BLTP1: variants seen among roughly 807,000 people sequenced by gnomAD.
BLTP1 encodes the protein bridge-like lipid transfer protein family member 1.
the BLTP1 span, chr4:122,300,908 A>T: frequency 9.7e-5 from 95 of 978,838 alleles, no homozygotes; most frequent in Middle Eastern, 2.1e-3. Context: ...TGTATGCCAC[A>T]TTGCCCAGGC....
the BLTP1 span, among the ~76,000 whole-genome samples, chr4:122,280,474 A>G: frequency 2.6e-5 from 4 of 152,034 alleles, no homozygotes; most frequent in Non-Finnish European, 5.9e-5. Context: ...ATACATCTTC[A>G]CTGCTGAGCC....
chr4:122,309,558 A>G, the BLTP1 span: 1 of 1,251,704 alleles, frequency 8.0e-7, no homozygotes, highest in Non-Finnish European at 1.1e-6. Flanking sequence ...AGATATAGCA[A>G]ATGTTTTTAG....
chr4:122,250,703 G>C, the BLTP1 span: 1 of 918,378 alleles, frequency 1.1e-6, no homozygotes, highest in Non-Finnish European at 1.6e-6. Context: ...TATGATATCT[G>C]CTTAAATGTT....
chr4:122,252,636 G>A, the BLTP1 span, among the ~76,000 whole-genome samples: 16 of 152,182 alleles, frequency 1.1e-4, no homozygotes, highest in African/African-American at 3.6e-4. Flanking sequence ...AGCCATGGTA[G>A]AATAAAACAC....
chr4:122,326,215 A>G, the BLTP1 span, among the ~76,000 whole-genome samples: 8 of 151,798 alleles, frequency 5.3e-5, no homozygotes, highest in Non-Finnish European at 1.5e-5. Flanking sequence ...TTTTCCTTAT[A>G]TTCAACTACA....
the BLTP1 span, among the ~76,000 whole-genome samples, chr4:122,159,249 G>T: frequency 3.3e-5 from 5 of 152,092 alleles, no homozygotes; most frequent in Admixed American, 2.6e-4. Context: ...GGATCATGAG[G>T]TCAGGAGATC....
the BLTP1 span, chr4:122,231,826 C>T: frequency 9.3e-6 from 9 of 970,648 alleles, no homozygotes; most frequent in Admixed American, 3.7e-4. Flanking sequence ...CCCAAAAGAA[C>T]CTGGGGTCCA....
At chr4:122,336,741 G>A in the BLTP1 span, 81 of 1,275,030 alleles carry the variant, frequency 6.4e-5, no homozygotes, top group Non-Finnish European at 7.5e-5. Context: ...AGGGAAAAAC[G>A]TATAGAATGA....
chr4:122,330,312 C>T, the BLTP1 span, among the ~76,000 whole-genome samples: 1 of 151,716 alleles, frequency 6.6e-6, no homozygotes, highest in Admixed American at 6.6e-5. Context: ...TACTATTTTC[C>T]CTAGCAGCTG....
the BLTP1 span, chr4:122,290,848 C>T: frequency 8.6e-5 from 10 of 116,254 alleles, no homozygotes; most frequent in Non-Finnish European, 1.4e-4. Flanking sequence ...CACACACACA[C>T]ATAATATTAT....
the BLTP1 span, chr4:122,301,109 T>G: frequency 5.1e-6 from 4 of 781,522 alleles, no homozygotes; most frequent in African/African-American, 7.5e-5. Context: ...ATGTTATTAA[T>G]AAATGTCTAC....
At chr4:122,249,362 T>C in the BLTP1 span, 44 of 1,434,934 alleles carry the variant, frequency 3.1e-5, no homozygotes, top group Non-Finnish European at 4.0e-5. Context: ...TTTTTCTATC[T>C]TTTTGACAGA....
the BLTP1 span, chr4:122,189,501 A>G: frequency 0.26 from 224,744 of 876,090 alleles, 29,746 homozygotes; most frequent in African/African-American, 0.32. Flanking sequence ...TAACTTTTTT[A>G]TTATTTAATG....
At chr4:122,283,911 A>G in the BLTP1 span, among the ~76,000 whole-genome samples, 2 of 152,166 alleles carry the variant, frequency 1.3e-5, no homozygotes, top group African/African-American at 2.4e-5. Flanking sequence ...AGAAATGACA[A>G]CTAAACAATA....
At chr4:122,314,242 C>A in the BLTP1 span, 1 of 453,666 alleles carries the variant, frequency 2.2e-6, no homozygotes, top group Non-Finnish European at 2.9e-6. Flanking sequence ...GATGTTAAAG[C>A]GCAGTATTCA....
At chr4:122,316,694 TG>T in the BLTP1 span, 4 of 1,585,044 alleles carry the variant, frequency 2.5e-6, no homozygotes, top group Non-Finnish European at 3.4e-6. Context: ...CTGTGTGACT[TG>T]AGGGTGGTAT....
the BLTP1 span, chr4:122,198,181 A>G: frequency 1.0e-6 from 1 of 977,476 alleles, no homozygotes; most frequent in Non-Finnish European, 1.2e-6. Context: ...CAATTGAAAA[A>G]GTGACTGTGA....
the BLTP1 span, chr4:122,197,231 C>G: frequency 6.8e-7 from 1 of 1,477,796 alleles, no homozygotes; most frequent in Non-Finnish European, 9.1e-7. Context: ...TAGGAGCTGG[C>G]TCATATTTAG....
chr4:122,286,451 A>G, the BLTP1 span: 2 of 1,562,924 alleles, frequency 1.3e-6, no homozygotes, highest in Non-Finnish European at 1.7e-6. Context: ...ATATCCATGC[A>G]TTTTTCTTAG....
Sources: allele counts gnomAD v4.1 joint callset (sites outside exome capture counted in the v4.1 genomes callset), GRCh38; gene constraint gnomAD v4.1.1; transcripts MANE v1.5; gene names NCBI Gene and HGNC (gene_info 2026-07-23, HGNC 2026-07-21).